Variants in LRP1B observed in about 807,000 individuals in gnomAD.
LRP1B encodes the protein LDL receptor related protein 1B.
A neutral mutation model predicts 556.6 loss-of-function variants in LRP1B; 217 were observed. The ratio of observed to expected loss-of-function variants is 0.39; its 90% CI spans 0.35 to 0.44. The LOEUF (loss-of-function observed/expected upper bound fraction) is 0.44, where lower values mean the gene tolerates loss of function less well. Among genes scored for constraint, LRP1B ranks in the 20% least tolerant of loss-of-function variants. LRP1B has a pLI of 1.00. For missense variants in LRP1B, 5,053 were observed against 5,620.8 expected, an observed-to-expected ratio of 0.90 and a Z score of 3.23; for synonymous variants, 2,047 against 1,865.8, an observed-to-expected ratio of 1.10 and a Z score of -2.50.
At chr2:141,389,139 C>A (rs1210561040) in intron 3 of LRP1B, among the ~76,000 whole-genome samples, 1 of 152,174 alleles carries the variant, frequency 6.6e-6, no homozygotes, top group South Asian at 2.1e-4. Flanking sequence ...TCCTCAAATT[C>A]TTATGGAATT....
At position 140,534,030 on chromosome 2, in the gene LRP1B, C is replaced by A. The variant is rs2104994339; in HGVS notation, c.7753G>T (p.Asp2585Tyr). 1 of 1,613,472 alleles carries A rather than the reference C, an allele frequency of 6.2e-7. No homozygotes were observed. Among genetic ancestry groups the A allele is most frequent in the Non-Finnish European group, 8.5e-7 (1 of 1,179,632 alleles). Residue 2585 changes from aspartate to tyrosine, a missense_variant, in exon 47 of 91, where the codon GAT becomes TAT. By Grantham distance (160) the Asp-to-Tyr change is radical. Coordinates refer to ENST00000389484, the MANE Select transcript of LRP1B (RefSeq NM_018557.3). ...NDCGDNSDEL[D>Y]CKVSTCATVE... The stretch of plus-strand genomic sequence containing the variant: ...TGGAACAAGTATTTACCTTTACAAT[C>A]TAATTCATCAGAGTTGTCTCCGCAG...
chr2:140,767,864 G>A (rs1044953423), intron 35 of LRP1B, among the ~76,000 whole-genome samples: 33 of 151,738 alleles, frequency 2.2e-4, no homozygotes, highest in African/African-American at 7.5e-4. Context: ...TGCATGTACT[G>A]TATACATAAA....
chr2:141,667,310 T>C (rs1690481080), intron 2 of LRP1B, among the ~76,000 whole-genome samples: 1 of 152,212 alleles, frequency 6.6e-6, no homozygotes, highest in Admixed American at 6.5e-5. Context: ...ATTTCCCCCA[T>C]ACCCACTGTA....
chr2:140,553,102 A>G (rs1181342060), intron 43 of LRP1B, among the ~76,000 whole-genome samples: 2 of 152,116 alleles, frequency 1.3e-5, no homozygotes, highest in African/African-American at 2.4e-5. Flanking sequence ...AAACTCCCCA[A>G]CTGATTGCCT....
At chr2:141,361,573 T>C (rs1042769733) in intron 3 of LRP1B, among the ~76,000 whole-genome samples, 5 of 152,218 alleles carry the variant, frequency 3.3e-5, no homozygotes, top group South Asian at 4.1e-4. Flanking sequence ...CATATCTCGA[T>C]GTGTCTCAGT....
intron 3 of LRP1B, among the ~76,000 whole-genome samples, chr2:141,419,266 C>A (rs578095833): frequency 6.6e-6 from 1 of 151,950 alleles, no homozygotes; most frequent in Non-Finnish European, 1.5e-5. Context: ...TCTTGTGATG[C>A]CTTTTCCTGT....
chr2:141,782,167 T>C (rs1422766990), intron 2 of LRP1B, among the ~76,000 whole-genome samples: 1 of 152,126 alleles, frequency 6.6e-6, no homozygotes, highest in Non-Finnish European at 1.5e-5. Context: ...CTGGGTTCTT[T>C]ACCAACATGA....
In LRP1B at chr2:140,752,521, T is replaced by C. The variant is rs184403084; in HGVS notation, c.5758+16692A>G. The stretch of plus-strand genomic sequence containing the variant: ...TGTATTTTTAGTAGAGACAGGGTTT[T>C]GCCATATTGGCCAGGCTGGTCTCAA... On this transcript the variant is annotated intron_variant, in intron 35 of 90. Transcript: ENST00000389484. Among the ~76,000 whole-genome samples, 596 of 151,968 alleles carry C rather than the reference T, an allele frequency of 3.9e-3. 4 individuals are homozygous for C. Among genetic ancestry groups the C allele is most frequent in the African/African-American group, 0.012 (510 of 41,534 alleles).
chr2:140,489,608 T>C (rs1483344882), intron 57 of LRP1B, among the ~76,000 whole-genome samples: 1 of 152,082 alleles, frequency 6.6e-6, no homozygotes, highest in Non-Finnish European at 1.5e-5. Flanking sequence ...CCAGGCAAGT[T>C]TGTAGAGGGC....
intron 11 of LRP1B, among the ~76,000 whole-genome samples, chr2:141,026,837 T>A (rs1477737825): frequency 6.6e-6 from 1 of 152,080 alleles, no homozygotes; most frequent in South Asian, 2.1e-4. Context: ...GAATTCAGTA[T>A]GCTAGGAATA....
intron 72 of LRP1B, 146 bp downstream of exon 72, chr2:140,364,515 A>C (rs1682662648): frequency 1.1e-6 from 1 of 928,408 alleles, no homozygotes; most frequent in Admixed American, 3.0e-5. Context: ...TTATTACCTG[A>C]ACAAAAGCTG....
chr2:141,431,163 A>AAATAAATAAATAAATAAATAAATGAATG (rs1390298793), intron 3 of LRP1B, among the ~76,000 whole-genome samples: 22 of 152,018 alleles, frequency 1.4e-4, no homozygotes, highest in African/African-American at 5.3e-4. Context: ...ATAAATAAAT[A>AAATAAATAAATAAATAAATAAATGAATG]AATGAAATAG....
intron 2 of LRP1B, among the ~76,000 whole-genome samples, chr2:141,559,685 T>C (rs911086015): frequency 2.0e-5 from 3 of 151,682 alleles, no homozygotes; most frequent in African/African-American, 7.2e-5. Context: ...TTGAATATTG[T>C]AGGTGCATGG....
At chr2:140,709,945 T>C (rs1686973471) in intron 37 of LRP1B, among the ~76,000 whole-genome samples, 1 of 151,826 alleles carries the variant, frequency 6.6e-6, no homozygotes, top group Non-Finnish European at 1.5e-5. Flanking sequence ...TTCCAAGCCG[T>C]AATAAATATT....
At chr2:141,470,369 A>G (rs1298481729) in intron 3 of LRP1B, among the ~76,000 whole-genome samples, 4 of 152,206 alleles carry the variant, frequency 2.6e-5, no homozygotes, top group Admixed American at 2.0e-4. Context: ...AGCTAGTTAC[A>G]TAGTTGTTCA....
intron 7 of LRP1B, among the ~76,000 whole-genome samples, chr2:141,184,782 G>A (rs907701240): frequency 6.6e-6 from 1 of 151,044 alleles, no homozygotes; most frequent in Non-Finnish European, 1.5e-5. Context: ...CATGCCCACC[G>A]AGCCATACTC....
intron 35 of LRP1B, among the ~76,000 whole-genome samples, chr2:140,733,447 C>A (rs974140633): frequency 6.6e-6 from 1 of 151,904 alleles, no homozygotes; most frequent in Admixed American, 6.6e-5. Flanking sequence ...AATATAAGAG[C>A]CAAAAACTAG....
chr2:141,254,929 G>T (rs1186841867), intron 3 of LRP1B, among the ~76,000 whole-genome samples: 5 of 152,034 alleles, frequency 3.3e-5, no homozygotes, highest in South Asian at 2.1e-4. Context: ...CAAGAGGAAA[G>T]ATGTCAACTC....
intron 1 of LRP1B, among the ~76,000 whole-genome samples, chr2:142,118,905 C>T (rs1302922095): frequency 6.6e-6 from 1 of 152,058 alleles, no homozygotes; most frequent in Non-Finnish European, 1.5e-5. Flanking sequence ...TCATATTTAA[C>T]TTATTTCAAG....
Sources: gnomAD v4.1 joint callset for allele counts (sites outside exome capture counted in the v4.1 genomes callset) on GRCh38, gnomAD v4.1.1 for gene constraint, MANE v1.5 for transcripts, NCBI Gene and HGNC (gene_info 2026-07-23, HGNC 2026-07-21) for gene names.